The following DHRSX variants were observed in gnomAD, a reference collection of about 807,000 sequenced individuals.
The protein encoded by DHRSX is dehydrogenase/reductase X-linked, also known as polyprenol dehydrogenase.
A neutral mutation model predicts 34.0 loss-of-function variants in DHRSX; 31 were observed. That is an observed-to-expected ratio of 0.91 (90% CI 0.69 to 1.23). The LOEUF (loss-of-function observed/expected upper bound fraction) is 1.23, where lower values mean the gene tolerates loss of function less well. Ranked by LOEUF, DHRSX falls within the 50% of genes most tolerant of loss-of-function variation. The probability of loss-of-function intolerance (pLI) is 0.00; values close to 1 mark genes in which losing one functional copy is unlikely to be tolerated. For synonymous variants in DHRSX, 201 were observed against 183.8 expected (o/e 1.09, Z -0.76); for missense variants, 414 against 428.1 (o/e 0.97, Z 0.29).
At chrX:2,427,725 T>G (rs916250803) in intron 1 of DHRSX, among the ~76,000 whole-genome samples, 9 of 152,060 alleles carry the variant, frequency 5.9e-5, no homozygotes, top group Non-Finnish European at 1.3e-4. Flanking sequence ...GAGGGAAAAG[T>G]GGATTTTGCA....
chrX:2,453,506 T>A (rs1304475413), intron 1 of DHRSX, among the ~76,000 whole-genome samples: 1 of 151,258 alleles, frequency 6.6e-6, no homozygotes, highest in Non-Finnish European at 1.5e-5. Context: ...ACACCATCTC[T>A]ACAAAAAATT....
chrX:2,475,354 A>G (rs35198788), intron 1 of DHRSX, among the ~76,000 whole-genome samples: 23,311 of 138,066 alleles, frequency 0.17, 2,524 homozygotes, highest in African/African-American at 0.33. Flanking sequence ...GGCTAAGGGA[A>G]TGCCGACATG....
intron 3 of DHRSX, among the ~76,000 whole-genome samples, chrX:2,388,320 A>G (rs1000012343): frequency 3.3e-5 from 5 of 152,140 alleles, no homozygotes; most frequent in African/African-American, 1.2e-4. Flanking sequence ...GGACTTCAGA[A>G]TGTGATCATA....
intron 5 of DHRSX, among the ~76,000 whole-genome samples, chrX:2,252,844 A>G (rs2016463374): frequency 6.6e-6 from 1 of 152,194 alleles, no homozygotes; most frequent in African/African-American, 2.4e-5. Context: ...GTAGGAGGAA[A>G]TGCCCATTAA....
At chrX:2,371,414 T>TCCTTCCGTTACCATAGC (rs2043063938) in intron 3 of DHRSX, among the ~76,000 whole-genome samples, 2 of 35,856 alleles carry the variant, frequency 5.6e-5, no homozygotes, top group Non-Finnish European at 7.7e-5. Flanking sequence ...ATTACCATAG[T>TCCTTCCGTTACCATAGC]CCCTCCTTCT....
chrX:2,438,869 AGT>A (rs2044029693), intron 1 of DHRSX, among the ~76,000 whole-genome samples: 1 of 152,018 alleles, frequency 6.6e-6, no homozygotes, highest in Admixed American at 6.6e-5. Context: ...CAAACTGGCC[AGT>A]TGTGGTGGCT....
chrX:2,380,255 C>T lies in DHRSX; in HGVS notation c.286+28490G>A, dbSNP rs912306091. Among the ~76,000 whole-genome samples the T allele has an allele frequency of 2.6e-4, 32 of 121,456 alleles. 1 individual carries two copies. The highest frequency in any genetic ancestry group is 9.1e-4 in the African/African-American group (30 of 32,892). The allele number at this position is 121,456 out of a possible 152,430, so 79.7% of individuals were successfully genotyped here. On this transcript the variant is annotated intron_variant, in intron 3 of 6. Transcript: ENST00000334651. ...GGCGGAGGTTGCAGTGAGCTGAGAT[C>T]ATGCCACTGCACTCCAGCCTGGGCT...
At chrX:2,464,299 ACCGCTGCC>A (rs2044449538) in intron 1 of DHRSX, among the ~76,000 whole-genome samples, 1 of 151,606 alleles carries the variant, frequency 6.6e-6, no homozygotes, top group South Asian at 2.1e-4. Flanking sequence ...GGGTTAAGGG[ACCGCTGCC>A]ATGTACACAC....
chrX:2,336,477 A>G (rs1361882491), intron 3 of DHRSX: 1 of 152,224 alleles, frequency 6.6e-6, no homozygotes, highest in Admixed American at 6.6e-5. Flanking sequence ...TTGCCAGCAA[A>G]GAAGAATGCC....
Position 2,493,822 on chromosome X carries a change from A to T in DHRSX, c.109+6995T>A, listed in dbSNP as rs377302686. ...CCTCCTCTACTAAAAATACAAAATT[A>T]GCCGGGCGTGGTAGTGGCACATGCC... On this transcript the variant is annotated intron_variant, in intron 1 of 6. Transcript: ENST00000334651. Among the ~76,000 whole-genome samples, 21 of 152,186 alleles carry T rather than the reference A, an allele frequency of 1.4e-4. 1 individual carries two copies. The highest frequency in any genetic ancestry group is 7.9e-4 in the Admixed American group (12 of 15,272).
chrX:2,430,057 T>C (rs2043898134), intron 1 of DHRSX, among the ~76,000 whole-genome samples: 1 of 151,514 alleles, frequency 6.6e-6, no homozygotes, highest in Admixed American at 6.6e-5. Context: ...GACTTGGTCA[T>C]CGAGAGTGTG....
intron 3 of DHRSX, among the ~76,000 whole-genome samples, chrX:2,335,184 CAAA>C (rs34503888): frequency 1.8e-4 from 21 of 116,560 alleles, no homozygotes; most frequent in African/African-American, 3.6e-5. Context: ...GACTCCATCT[CAAA>C]AAAAAAAAAA....
intron 3 of DHRSX, chrX:2,334,168 TGC>T (rs2042519969): frequency 9.4e-6 from 1 of 106,814 alleles, no homozygotes; most frequent in Non-Finnish European, 2.0e-5. Flanking sequence ...CTCAAAAGTA[TGC>T]TTTTTTTTTT....
intron 6 of DHRSX, among the ~76,000 whole-genome samples, chrX:2,223,199 T>C (rs747144311): frequency 6.9e-4 from 104 of 151,810 alleles, no homozygotes; most frequent in Non-Finnish European, 1.3e-3. Context: ...TGGGAGGTAA[T>C]TGAATCATGG....
chrX:2,492,128 C>T (rs746321828), intron 1 of DHRSX, among the ~76,000 whole-genome samples: 8 of 152,312 alleles, frequency 5.3e-5, no homozygotes, highest in Non-Finnish European at 1.2e-4. Context: ...AAAGCGTCCT[C>T]CCCTACCAAA....
intron 6 of DHRSX, among the ~76,000 whole-genome samples, chrX:2,239,731 C>A (rs1056764804): frequency 6.6e-6 from 1 of 150,688 alleles, no homozygotes; most frequent in African/African-American, 2.4e-5. Context: ...ATCGCGCCAA[C>A]GCACTCCAGC....
chrX:2,472,107 T>C (rs2044602146), intron 1 of DHRSX, among the ~76,000 whole-genome samples: 1 of 148,368 alleles, frequency 6.7e-6, no homozygotes, highest in Non-Finnish European at 1.5e-5. Flanking sequence ...ATCACACCAT[T>C]GCACTCCAGC....
intron 3 of DHRSX, among the ~76,000 whole-genome samples, chrX:2,300,729 A>G (rs924795645): frequency 2.0e-4 from 30 of 152,050 alleles, no homozygotes; most frequent in African/African-American, 7.0e-4. Flanking sequence ...TTATTGTAGG[A>G]CCTTGTGATC....
chrX:2,493,633 A>G (rs1475488698), intron 1 of DHRSX, among the ~76,000 whole-genome samples: 2 of 151,782 alleles, frequency 1.3e-5, no homozygotes, highest in Non-Finnish European at 2.9e-5. Flanking sequence ...TACGGTTGTT[A>G]TTATTATTAG....
Sources: allele counts gnomAD v4.1 joint callset (sites outside exome capture counted in the v4.1 genomes callset), GRCh38; gene constraint gnomAD v4.1.1; transcripts MANE v1.5; gene names NCBI Gene and HGNC (gene_info 2026-07-23, HGNC 2026-07-21).